Variants in PLB1 observed in about 807,000 individuals in gnomAD.
PLB1 encodes phospholipase B1, membrane-associated.
In PLB1, 242 loss-of-function variants were observed where a neutral mutation model predicts 227.4. The ratio of observed to expected loss-of-function variants is 1.06; its 90% confidence interval spans 0.96 to 1.18. The LOEUF (loss-of-function observed/expected upper bound fraction) is 1.18. PLB1 is among the 50% of genes most tolerant of loss of function. PLB1 has a pLI of 0.00. For missense variants in PLB1, 1,858 were observed against 1,816.3 expected, an observed-to-expected ratio of 1.02 and a Z score of -0.42; for synonymous variants, 757 against 682.2, an observed-to-expected ratio of 1.11 and a Z score of -1.71.
chr2:28,614,190 A>C, intron 44 of PLB1, 94 bp downstream of exon 44: 1 of 1,201,574 alleles, frequency 8.3e-7, no homozygotes, highest in Non-Finnish European at 1.2e-6. Flanking sequence ...TATTCACTGA[A>C]GCAGAAATGT....
chr2:28,523,252 C>T (rs1427376292), intron 4 of PLB1, among the ~76,000 whole-genome samples: 2 of 151,618 alleles, frequency 1.3e-5, no homozygotes, highest in African/African-American at 4.9e-5. Flanking sequence ...CATTCTCATT[C>T]TCCAATGTAT....
intron 16 of PLB1, 84 bp downstream of exon 16, chr2:28,550,168 T>TA: frequency 5.0e-6 from 5 of 1,006,278 alleles, no homozygotes; most frequent in Non-Finnish European, 7.2e-6. Context: ...ACCTTCCACG[T>TA]GGTTTTTTTT....
At chr2:28,558,005 G>A (rs1675401921) in intron 17 of PLB1, among the ~76,000 whole-genome samples, 1 of 152,138 alleles carries the variant, frequency 6.6e-6, no homozygotes, top group African/African-American at 2.4e-5. Flanking sequence ...GATTCCTTCA[G>A]AATGGCCAAC....
Position 28,573,263 on chromosome 2 carries a change from C to G in PLB1, c.1391C>G (p.Pro464Arg). The G allele has an allele frequency of 1.2e-6, 2 of 1,614,082 alleles. No individual in the cohort carries two copies. Among genetic ancestry groups the G allele is most frequent in the Non-Finnish European group, 1.7e-6 (2 of 1,180,014 alleles). Residue 464 changes from proline to arginine, a missense_variant, in exon 21 of 58, where the codon CCT becomes CGT. Coordinates refer to ENST00000327757, the MANE Select transcript of PLB1 (RefSeq NM_153021.5). ...GTTGGCACTGGGAAAGAAACCAGTCCTAATGCCTTCTTAAACCAGGCTGTG... is the reference window on the plus strand; with the variant it reads ...GTTGGCACTGGGAAAGAAACCAGTCGTAATGCCTTCTTAAACCAGGCTGTG... The part of the protein sequence containing the change: ...FSVGTGKETS[P>R]NAFLNQAVAG...
At chr2:28,556,653 C>T (rs943073707) in intron 17 of PLB1, among the ~76,000 whole-genome samples, 4 of 152,098 alleles carry the variant, frequency 2.6e-5, no homozygotes, top group African/African-American at 7.2e-5. Flanking sequence ...AAAGGAGTCA[C>T]TTTTTGAAAA....
chr2:28,513,245 T>G (rs911199541), intron 1 of PLB1, among the ~76,000 whole-genome samples: 2 of 152,252 alleles, frequency 1.3e-5, no homozygotes, highest in African/African-American at 4.8e-5. Flanking sequence ...CATATAGGTT[T>G]TCCTTTTGCT....
chr2:28,632,074 AC>A lies in PLB1; in HGVS notation c.3937del (p.Gln1313SerfsTer20). On this transcript the variant is annotated frameshift_variant, in exon 55 of 58. Coordinates refer to ENST00000327757, the MANE Select transcript of PLB1 (RefSeq NM_153021.5). LOFTEE classifies it high-confidence loss of function. ...SSFSYWHQYT[Q>X]REDFAVVVQP... ...GTTTCTCCTACTGGCACCAATACACACAGCGTGAGGACTTTGCGGTTGTGGT... is the reference window on the plus strand; with the variant it reads ...GTTTCTCCTACTGGCACCAATACACAAGCGTGAGGACTTTGCGGTTGTGGT... The A allele has an allele frequency of 6.2e-7, 1 of 1,614,072 alleles. No homozygotes were observed. Among genetic ancestry groups the A allele is most frequent in the Non-Finnish European group, 8.5e-7 (1 of 1,180,002 alleles).
rs200441765 is a variant in PLB1, at chr2:28,529,344, G to A, written c.353G>A (p.Ser118Asn). The A allele has an allele frequency of 6.2e-6, 10 of 1,611,498 alleles. No individual in the cohort carries two copies. The highest frequency in any genetic ancestry group is 8.5e-6 in the Non-Finnish European group (10 of 1,177,696). ...TVLSDIIRYF[S>N]PSVPMPVCHT... ...CTTTCAGACATCATCAGATATTTCA[G>A]TCCTTCTGTTCCAATGCCTGTGTGC... The change falls in exon 7 of 58, where the codon AGT becomes AAT. Residue 118 changes from serine (S) to asparagine (N), a missense_variant. Coordinates refer to ENST00000327757, the MANE Select transcript of PLB1 (RefSeq NM_153021.5).
intron 23 of PLB1, 132 bp downstream of exon 23, chr2:28,579,839 G>T: frequency 2.7e-6 from 2 of 738,106 alleles, no homozygotes; most frequent in South Asian, 1.6e-5. Context: ...ATCCAGCCTG[G>T]GATGAACCCT....
chr2:28,606,433 G>C, intron 42 of PLB1, 63 bp from the exon 43 acceptor site: 1 of 1,503,350 alleles, frequency 6.7e-7, no homozygotes, highest in Non-Finnish European at 9.2e-7. Flanking sequence ...ATTCTGCCAG[G>C]GAATGTTCAC....
chr2:28,566,922 T>A, intron 20 of PLB1, 83 bp downstream of exon 20: 5 of 1,516,512 alleles, frequency 3.3e-6, no homozygotes, highest in Non-Finnish European at 4.6e-6. Context: ...GGCGCGGGCC[T>A]CGGGAGGAGC....
intron 23 of PLB1, among the ~76,000 whole-genome samples, chr2:28,580,893 G>T (rs535617022): frequency 1.4e-4 from 22 of 152,224 alleles, no homozygotes; most frequent in African/African-American, 4.8e-4. Flanking sequence ...TGGCCTGTGA[G>T]CACCTACCTG....
At position 28,539,299 on chromosome 2, in the gene PLB1, GC is replaced by G. The variant is rs748306603; in HGVS notation, c.698+123del. ...CCCTAAAGAACAGAGGCCAAAGGAG[GC>G]CGAGAAACACATGCGAGCTCACACC... On this transcript the variant is annotated intron_variant, in intron 11 of 57. Transcript: ENST00000327757. 8.2e-4 allele frequency: 728 copies of G among 893,166 alleles called. 5 individuals are homozygous for G. The highest frequency in any genetic ancestry group is 6.5e-4 in the Non-Finnish European group (358 of 555,014). 55.3% of individuals were successfully genotyped at this position (893,166 alleles called of 1,614,324 possible).
chr2:28,497,562 C>A (rs1256231420), intron 1 of PLB1, among the ~76,000 whole-genome samples: 1 of 151,966 alleles, frequency 6.6e-6, no homozygotes, highest in East Asian at 1.9e-4. Flanking sequence ...GGAAGCAGAG[C>A]AAAAAATAGA....
intron 16 of PLB1, among the ~76,000 whole-genome samples, chr2:28,551,589 A>G (rs1040865381): frequency 2.6e-5 from 4 of 152,224 alleles, no homozygotes; most frequent in African/African-American, 7.2e-5. Context: ...AGCAATGAGC[A>G]TACACCTGAG....
chr2:28,615,467 A>G (rs1264875936), intron 44 of PLB1, among the ~76,000 whole-genome samples: 1 of 152,224 alleles, frequency 6.6e-6, no homozygotes, highest in African/African-American at 2.4e-5. Context: ...ACATTTTATA[A>G]GCCAGCTGAA....
At chr2:28,498,981 T>C (rs2148151239) in intron 1 of PLB1, among the ~76,000 whole-genome samples, 1 of 152,300 alleles carries the variant, frequency 6.6e-6, no homozygotes, top group East Asian at 1.9e-4. Flanking sequence ...GTCCTGACCA[T>C]GTATTTAGAT....
intron 9 of PLB1, among the ~76,000 whole-genome samples, chr2:28,532,862 C>T (rs915408614): frequency 3.9e-5 from 6 of 151,982 alleles, no homozygotes; most frequent in Non-Finnish European, 7.4e-5. Flanking sequence ...CGTGTGGTCT[C>T]GTTTATTATT....
intron 9 of PLB1, among the ~76,000 whole-genome samples, chr2:28,536,949 C>T (rs948420222): frequency 1.5e-4 from 23 of 152,166 alleles, no homozygotes; most frequent in Admixed American, 9.8e-4. Context: ...CAGGGTCCCC[C>T]GCCTCTCCAG....
Sources: gnomAD v4.1 joint callset for allele counts (sites outside exome capture counted in the v4.1 genomes callset) on GRCh38, gnomAD v4.1.1 for gene constraint, MANE v1.5 for transcripts, NCBI Gene and HGNC (gene_info 2026-07-23, HGNC 2026-07-21) for gene names.